The following COL1A1 variants were observed in gnomAD, a reference collection of about 807,000 sequenced individuals.
COL1A1 encodes collagen alpha-1(I) chain.
Under a neutral mutation model 195.7 loss-of-function variants are expected in COL1A1, and 21 were observed. The ratio of observed to expected loss-of-function variants is 0.11; its 90% CI spans 0.08 to 0.15. The LOEUF (loss-of-function observed/expected upper bound fraction) is 0.15, where lower values mean the gene tolerates loss of function less well. COL1A1 is among the 10% of genes least tolerant of loss of function. COL1A1 has a pLI of 1.00. For missense variants in COL1A1, 1,365 were observed against 2,051.0 expected, an observed-to-expected ratio of 0.67 and a Z score of 6.46; for synonymous variants, 749 against 747.3, an observed-to-expected ratio of 1.00 and a Z score of -0.04.
chr17:50,195,245 G>T lies in COL1A1; in HGVS notation c.1286C>A (p.Pro429His), dbSNP rs1284100146. The T allele has an allele frequency of 6.2e-7, 1 of 1,613,012 alleles. No individual in the cohort carries two copies. Among genetic ancestry groups the T allele is most frequent in the South Asian group, 1.1e-5 (1 of 91,032 alleles). ...TTTGGTACTCACGCTGTTACCCTTG[G>T]GACCAGGAGGGCCGCCGGGGCCCTG... ...GPQGPGGPPG[P>H]KGNSGEPGAP... Residue 429 changes from proline (P) to histidine (H), a missense_variant, in exon 19 of 51, where the codon CCC becomes CAC. Pro to His is a moderately conservative substitution (Grantham distance 77, BLOSUM62 -2). Transcript: ENST00000225964. The surrounding 1 kb of genome is among the most constrained non-coding windows in gnomAD (Gnocchi z 4.3).
At chr17:50,200,705 C>T (rs1001018768) in intron 1 of COL1A1, among the ~76,000 whole-genome samples, 4 of 152,218 alleles carry the variant, frequency 2.6e-5, no homozygotes, top group Non-Finnish European at 4.4e-5. Context: ...GGGGCCGGGG[C>T]GGGGCCGACC....
Position 50,190,006 on chromosome 17 carries a change from G to A in COL1A1, c.2554C>T (p.Pro852Ser), listed in dbSNP as rs1567755924. 1 of 1,613,286 alleles carries A rather than the reference G, an allele frequency of 6.2e-7. No homozygotes were observed. The highest frequency in any genetic ancestry group is 2.2e-5 in the East Asian group (1 of 44,806). Reference sequence around the variant, plus strand: ...CAGAGGGCCAAGCCACTCACAATGGGGCCAGGGGGTCCAGCGGGTCCGGCA... The same window carrying A: ...CAGAGGGCCAAGCCACTCACAATGGAGCCAGGGGGTCCAGCGGGTCCGGCA... ...GPAGPAGPPG[P>S]IGNVGAPGAK... is the part of the protein sequence containing the mutation. The change falls in exon 36 of 51, where the codon CCC becomes TCC. Residue 852 changes from proline (P) to serine (S), a missense_variant. Physicochemically the swap from Pro to Ser is moderately conservative, Grantham distance 74. This residue lies in a region of COL1A1 where 671 missense variants were observed against 1,099.9 expected (regional missense o/e 0.61). Transcript: ENST00000225964. This position sits in a 1 kb window ranked among gnomAD's most constrained non-coding sequence, Gnocchi z 4.7.
chr17:50,198,155 A>G lies in COL1A1; in HGVS notation c.588+6T>C, dbSNP rs1907761783. 6.2e-7 allele frequency: 1 copy of G among 1,613,974 alleles called. No homozygotes were observed. Among genetic ancestry groups the G allele is most frequent in the Non-Finnish European group, 8.5e-7 (1 of 1,179,990 alleles). The stretch of plus-strand genomic sequence containing the variant: ...GGAGGCATATGAAGACGTCCTGGAT[A>G]CTCACAGGTGCACCAGGGGGGCCAG... On this transcript the variant is annotated splice_donor_region_variant and intron_variant, in intron 7 of 50. Transcript: ENST00000225964.
At position 50,185,257 on chromosome 17, in the gene COL1A1, CT is replaced by C. The variant is rs56302025; in HGVS notation, c.*244del. 5.1e-3 allele frequency: 968 copies of C among 190,780 alleles called. No individual in the cohort carries two copies. Among genetic ancestry groups the C allele is most frequent in the East Asian group, 9.2e-3 (106 of 11,552 alleles). The allele number at this position is 190,780 out of a possible 1,614,324, so 11.8% of individuals were successfully genotyped here. On this transcript the variant is annotated 3_prime_UTR_variant, in exon 51 of 51. Coordinates refer to ENST00000225964, the MANE Select transcript of COL1A1 (RefSeq NM_000088.4). ...TTTTTTAAAAAGTTATTTATTTATT[CT>C]TTTTTTTTTTTTTTTTTTGGTAAGG...
Position 50,197,820 on chromosome 17 carries a change from TA to T in COL1A1, c.643-36del, listed in dbSNP as rs58135270. 0.039 allele frequency: 62,412 copies of T among 1,606,266 alleles called. 5,488 individuals are homozygous for T. The highest frequency in any genetic ancestry group is 0.35 in the African/African-American group (26,335 of 74,270). ...ATAGAAGAGGTGGTTAGAATATGGA[TA>T]AGAAAAAAAGAAGGGGAAGGCTGGG... is the stretch of plus-strand genomic sequence containing the variant. On this transcript the variant is annotated intron_variant, in intron 8 of 50. Coordinates refer to ENST00000225964, the MANE Select transcript of COL1A1 (RefSeq NM_000088.4).
Position 50,185,847 on chromosome 17 carries a change from G to A in COL1A1, c.4179C>T (p.Ser1393=), listed in dbSNP as rs1800219. 2,755 of 1,614,170 alleles carry A rather than the reference G, an allele frequency of 1.7e-3. 27 individuals carry two copies. The highest frequency in any genetic ancestry group is 0.016 in the Middle Eastern group (94 of 6,062). ...NLKKALLLQG[S]NEIEIRAEGN... ...CCTCGGCGCGGATCTCGATCTCGTT[G>A]GAGCCCTGGAGGAGCAGGGCCTTCT... Residue 1393 remains serine (S), a synonymous_variant, in exon 50 of 51, where the codon TCC becomes TCT. Transcript: ENST00000225964.
rs199806909 is a variant in COL1A1, at chr17:50,185,482, C to T, written c.*20G>A. ...GAAAGTTGGTTGGGTGGGAGGGAGC[C>T]AGGTTGGGATGGAGGGAGTTTACAG... On this transcript the variant is annotated 3_prime_UTR_variant, in exon 51 of 51. Coordinates refer to ENST00000225964, the MANE Select transcript of COL1A1 (RefSeq NM_000088.4). The T allele has an allele frequency of 4.0e-5, 65 of 1,613,204 alleles. No homozygotes were observed. The highest frequency in any genetic ancestry group is 5.3e-5 in the Non-Finnish European group (63 of 1,179,872).
Position 50,194,418 on chromosome 17 carries a change from G to T in COL1A1, c.1545C>A (p.Gly515=), listed in dbSNP as rs758857954. The change falls in exon 23 of 51, where the codon GGC becomes GGA. Residue 515 remains glycine, a synonymous_variant. Transcript: ENST00000225964. The surrounding 1 kb of genome is among the most constrained non-coding windows in gnomAD (Gnocchi z 6.8). ...KGPAGERGSP[G]PAGPKGSPGE... Reference sequence around the variant, plus strand: ...CAGGAGATCCTTTGGGGCCAGCAGGGCCAGGAGAACCACGTTCACCAGCGG... The same window carrying T: ...CAGGAGATCCTTTGGGGCCAGCAGGTCCAGGAGAACCACGTTCACCAGCGG... 6.2e-7 allele frequency: 1 copy of T among 1,614,128 alleles called. No homozygotes were observed. Among genetic ancestry groups the T allele is most frequent in the Admixed American group, 1.7e-5 (1 of 60,030 alleles).
At position 50,190,178 on chromosome 17, in the gene COL1A1, G is replaced by A; in HGVS notation, c.2452-70C>T. The A allele has an allele frequency of 7.3e-7, 1 of 1,360,722 alleles. No individual in the cohort carries two copies. Among genetic ancestry groups the A allele is most frequent in the Non-Finnish European group, 1.1e-6 (1 of 949,794 alleles). The allele number at this position is 1,360,722 out of a possible 1,614,324, so 84.3% of individuals were successfully genotyped here. A position where few individuals can be genotyped will look rare whatever the true frequency, so the allele number is the denominator to read the frequency against. ...GTTTCCACTACCTGGGGGAGGAGCA[G>A]TAATGGAGGCAGGAAGATGCTTGGG... On this transcript the variant is annotated intron_variant, in intron 35 of 50. Coordinates refer to ENST00000225964, the MANE Select transcript of COL1A1 (RefSeq NM_000088.4). The surrounding 1 kb of genome is among the most constrained non-coding windows in gnomAD (Gnocchi z 4.7).
intron 46 of COL1A1, 68 bp from the exon 47 acceptor site, chr17:50,187,190 GC>G: frequency 7.9e-7 from 1 of 1,272,764 alleles, no homozygotes; most frequent in Non-Finnish European, 1.1e-6. Context: ...TGGAGGAGAG[GC>G]CCACCACCCT....
rs775809193 is a variant in COL1A1 at position 50,186,955 on chromosome 17, G to A, written c.3532-33C>T. 15 of 1,612,400 alleles carry A rather than the reference G, an allele frequency of 9.3e-6. No individual in the cohort carries two copies. The highest frequency in any genetic ancestry group is 2.2e-5 in the East Asian group (1 of 44,848). ...GAGAGGGAAGAGAGTGGGGATTACC[G>A]GCATCCAAGTGCTTTGGGGGCTGGA... is the stretch of plus-strand genomic sequence containing the variant. On this transcript the variant is annotated intron_variant, in intron 47 of 50. Transcript: ENST00000225964. This position sits in a 1 kb window ranked among gnomAD's most constrained non-coding sequence, Gnocchi z 5.3.
rs1019864304 is a variant in COL1A1, at chr17:50,192,044, G to A, written c.1984-20C>T. Reference sequence around the variant, plus strand: ...AACACCCTGAGGGGGAGGGAGAGAGGAACAGACAGTGAGCAAAACCCACCT... The same window carrying A: ...AACACCCTGAGGGGGAGGGAGAGAGAAACAGACAGTGAGCAAAACCCACCT... On this transcript the variant is annotated intron_variant, in intron 29 of 50. Coordinates refer to ENST00000225964, the MANE Select transcript of COL1A1 (RefSeq NM_000088.4). The A allele has an allele frequency of 1.2e-6, 2 of 1,610,274 alleles. No homozygotes were observed. The highest frequency in any genetic ancestry group is 1.3e-5 in the African/African-American group (1 of 74,822).
rs533165364 is a variant in COL1A1 at position 50,199,898 on chromosome 17, G to C, written c.153C>G (p.Asp51Glu). The change falls in exon 2 of 51, where the codon GAC becomes GAG. Residue 51 changes from aspartate (D) to glutamate (E), a missense_variant. By Grantham distance (45) the Asp-to-Glu change is conservative (BLOSUM62 2). This residue lies in a region of COL1A1 where 194 missense variants were observed against 221.7 expected (regional missense o/e 0.88). Coordinates refer to ENST00000225964, the MANE Select transcript of COL1A1 (RefSeq NM_000088.4). ...VQNGLRYHDR[D>E]VWKPEPCRIC... ...TCCGGCAGGGCTCGGGTTTCCACAC[G>C]TCTCGGTCATGGTACCTGAGGCCGT... 6.2e-7 allele frequency: 1 copy of C among 1,614,192 alleles called. No individual in the cohort carries two copies. Among genetic ancestry groups the C allele is most frequent in the Non-Finnish European group, 8.5e-7 (1 of 1,180,034 alleles).
rs376752492 is a variant in COL1A1, at chr17:50,189,653, C to G, written c.2667+26G>C. 1.9e-6 allele frequency: 3 copies of G among 1,613,712 alleles called. No homozygotes were observed. The highest frequency in any genetic ancestry group is 2.5e-6 in the Non-Finnish European group (3 of 1,179,908). On this transcript the variant is annotated intron_variant, in intron 38 of 50. Coordinates refer to ENST00000225964, the MANE Select transcript of COL1A1 (RefSeq NM_000088.4). The surrounding 1 kb of genome is among the most constrained non-coding windows in gnomAD (Gnocchi z 5.5). ...CCCACCCAGCACCCCCAACCTAGAG[C>G]AGTGGACTCTGCTGCAGAGACTTAC...
rs1051173850 is a variant in COL1A1, at chr17:50,184,706, C to T, written c.*796G>A. 1.8e-5 allele frequency: 4 copies of T among 222,940 alleles called. No homozygotes were observed. The highest frequency in any genetic ancestry group is 1.3e-4 in the East Asian group (2 of 15,428). 13.8% of individuals were successfully genotyped at this position (222,940 alleles called of 1,614,324 possible). A position where few individuals can be genotyped will look rare whatever the true frequency, so the allele number is the denominator to read the frequency against. On this transcript the variant is annotated 3_prime_UTR_variant, in exon 51 of 51. Coordinates refer to ENST00000225964, the MANE Select transcript of COL1A1 (RefSeq NM_000088.4). ...CCCCGGTGACACATCAAGACAAGAA[C>T]GAGGTAGTCTTTCAGCAACACAGTT...
Position 50,186,459 on chromosome 17 carries a change from T to A in COL1A1, c.3863A>T (p.Lys1288Ile). 6.2e-7 allele frequency: 1 copy of A among 1,614,192 alleles called. No individual in the cohort carries two copies. Among genetic ancestry groups the A allele is most frequent in the Non-Finnish European group, 8.5e-7 (1 of 1,180,032 alleles). ...PNQGCNLDAI[K>I]VFCNMETGET... Reference sequence around the variant, plus strand: ...ACCAGTCTCCATGTTGCAGAAGACTTTGATGGCATCCAGGTTGCAGCCTTG... The same window carrying A: ...ACCAGTCTCCATGTTGCAGAAGACTATGATGGCATCCAGGTTGCAGCCTTG... Residue 1288 changes from lysine (K) to isoleucine (I), a missense_variant, in exon 49 of 51, where the codon AAA becomes ATA. Around this residue, in one of 5 missense-constraint regions of COL1A1, gnomAD observed 273 missense variants for 338.6 expected, o/e 0.81. Transcript: ENST00000225964. This position sits in a 1 kb window ranked among gnomAD's most constrained non-coding sequence, Gnocchi z 5.3.
chr17:50,193,791 TC>T, intron 25 of COL1A1, 151 bp downstream of exon 25: 1 of 769,322 alleles, frequency 1.3e-6, no homozygotes. Flanking sequence ...GAGAAGTCTT[TC>T]ATTTTACAGA....
rs889333346 is a variant in COL1A1, at chr17:50,186,998, G to C, written c.3531+17C>G. 1 of 1,611,932 alleles carries C rather than the reference G, an allele frequency of 6.2e-7. No individual in the cohort carries two copies. The highest frequency in any genetic ancestry group is 8.5e-7 in the Non-Finnish European group (1 of 1,178,480). On this transcript the variant is annotated intron_variant, in intron 47 of 50. Coordinates refer to ENST00000225964, the MANE Select transcript of COL1A1 (RefSeq NM_000088.4). This position sits in a 1 kb window ranked among gnomAD's most constrained non-coding sequence, Gnocchi z 5.3. ...GGGCTGGAGGGCCATGAGCAGAGGG[G>C]ATGAGGGGCTACATACAACAGGACC...
rs920237768 is a variant in COL1A1 at position 50,189,398 on chromosome 17, G to T, written c.2808C>A (p.Ser936=). ...GPPGPAGEKG[S]PGADGPAGAP... ...TTACAGCAGGACCATCAGCACCAGGGGATCCTTTCTCGCCAGCAGGGCCAG... is the reference window on the plus strand; with the variant it reads ...TTACAGCAGGACCATCAGCACCAGGTGATCCTTTCTCGCCAGCAGGGCCAG... The change falls in exon 39 of 51, where the codon TCC becomes TCA. Residue 936 remains serine (S), a synonymous_variant. Coordinates refer to ENST00000225964, the MANE Select transcript of COL1A1 (RefSeq NM_000088.4). This position sits in a 1 kb window ranked among gnomAD's most constrained non-coding sequence, Gnocchi z 5.5. 2 of 1,613,662 alleles carry T rather than the reference G, an allele frequency of 1.2e-6. No individual in the cohort carries two copies. Among genetic ancestry groups the T allele is most frequent in the African/African-American group, 2.7e-5 (2 of 74,818 alleles).
Sources: gnomAD v4.1 joint callset for allele counts (sites outside exome capture counted in the v4.1 genomes callset) on GRCh38, gnomAD v4.1.1 for gene constraint, gnomAD v4.1.1 regional missense constraint, Gnocchi (gnomAD v3.1) non-coding constraint, MANE v1.5 for transcripts, NCBI Gene and HGNC (gene_info 2026-07-23, HGNC 2026-07-21) for gene names.